The following NRCAM variants were observed in gnomAD, a reference collection of about 807,000 sequenced individuals.
The protein encoded by NRCAM is NgCAM-related cell adhesion molecule.
Under a neutral mutation model 156.5 loss-of-function variants are expected in NRCAM, and 83 were observed. The ratio of observed to expected loss-of-function variants is 0.53; its 90% CI spans 0.44 to 0.64. NRCAM has a LOEUF of 0.64. NRCAM is among the 30% of genes least tolerant of loss of function. The probability of loss-of-function intolerance (pLI) is 0.00; values close to 1 mark genes in which losing one functional copy is unlikely to be tolerated. For missense variants in NRCAM, 1,417 were observed against 1,597.3 expected, an observed-to-expected ratio of 0.89 and a Z score of 1.92; for synonymous variants, 538 against 563.9, an observed-to-expected ratio of 0.95 and a Z score of 0.65.
At chr7:108,161,870 C>T (rs1227661646) in intron 30 of NRCAM, among the ~76,000 whole-genome samples, 2 of 149,970 alleles carry the variant, frequency 1.3e-5, no homozygotes, top group African/African-American at 5.0e-5. Context: ...TAGCCTTTTC[C>T]CAATAGGCCC....
intron 2 of NRCAM, among the ~76,000 whole-genome samples, chr7:108,322,095 A>T (rs568589492): frequency 6.6e-6 from 1 of 152,316 alleles, no homozygotes; most frequent in African/African-American, 2.4e-5. Context: ...CATTATAAAG[A>T]TGAAATGAGG....
chr7:108,168,721 T>C (rs1368174879), intron 28 of NRCAM, among the ~76,000 whole-genome samples: 1 of 152,106 alleles, frequency 6.6e-6, no homozygotes, highest in Non-Finnish European at 1.5e-5. Context: ...TTTACTAAAG[T>C]GTGATGGAGA....
chr7:108,281,281 T>C (rs1431730165), intron 3 of NRCAM, among the ~76,000 whole-genome samples: 2 of 152,194 alleles, frequency 1.3e-5, no homozygotes, highest in African/African-American at 4.8e-5. Flanking sequence ...ACACATTTTA[T>C]AAATGCCTTT....
At chr7:108,163,176 T>C (rs989850223) in intron 30 of NRCAM, among the ~76,000 whole-genome samples, 6 of 152,238 alleles carry the variant, frequency 3.9e-5, no homozygotes, top group East Asian at 3.8e-4. Context: ...AATAAAATTA[T>C]ATTCATGTAT....
chr7:108,436,115 CAG>C (rs1399735526), intron 1 of NRCAM, among the ~76,000 whole-genome samples: 1 of 152,212 alleles, frequency 6.6e-6, no homozygotes, highest in African/African-American at 2.4e-5. Flanking sequence ...GCCTGGGCGA[CAG>C]AGTGAGACTC....
intron 2 of NRCAM, among the ~76,000 whole-genome samples, chr7:108,387,259 A>C (rs947821528): frequency 7.2e-5 from 11 of 152,128 alleles, no homozygotes; most frequent in African/African-American, 2.4e-4. Flanking sequence ...TACCTTATTA[A>C]TAGGGACTAA....
At chr7:108,317,449 G>A (rs1438055666) in intron 2 of NRCAM, among the ~76,000 whole-genome samples, 1 of 152,106 alleles carries the variant, frequency 6.6e-6, no homozygotes, top group Non-Finnish European at 1.5e-5. Flanking sequence ...TTCACCTAGG[G>A]AAGAAAAAGC....
intron 1 of NRCAM, among the ~76,000 whole-genome samples, chr7:108,441,869 G>C (rs886262822): frequency 6.6e-6 from 1 of 152,162 alleles, no homozygotes; most frequent in African/African-American, 2.4e-5. Context: ...AGCCTAAAAT[G>C]CCTACATATT....
At chr7:108,379,393 T>C (rs536177885) in intron 2 of NRCAM, among the ~76,000 whole-genome samples, 2 of 152,264 alleles carry the variant, frequency 1.3e-5, no homozygotes, top group East Asian at 1.9e-4. Context: ...AAAAGACAAA[T>C]ACCTCACTTA....
In NRCAM at chr7:108,207,520, C is replaced by T; in HGVS notation, c.1207+8G>A. On this transcript the variant is annotated splice_region_variant and intron_variant, in intron 13 of 32. Transcript: ENST00000379028. ...ATACTGCAATTAGAACCACTCAAGG[C>T]AACTTACTTTCTATTGGGACTCCAT... The T allele has an allele frequency of 6.2e-7, 1 of 1,613,396 alleles. No homozygotes were observed. The highest frequency in any genetic ancestry group is 8.5e-7 in the Non-Finnish European group (1 of 1,179,768).
intron 4 of NRCAM, among the ~76,000 whole-genome samples, 160 bp downstream of exon 4, chr7:108,239,799 T>G (rs939226461): frequency 6.6e-6 from 1 of 152,182 alleles, no homozygotes; most frequent in Non-Finnish European, 1.5e-5. Context: ...ACAGTGTGAA[T>G]CTTTATAAAC....
At chr7:108,199,809 A>G (rs1406508572) in intron 13 of NRCAM, among the ~76,000 whole-genome samples, 1 of 152,194 alleles carries the variant, frequency 6.6e-6, no homozygotes, top group Admixed American at 6.5e-5. Flanking sequence ...TGACATATTC[A>G]TAGTTTCTAG....
chr7:108,384,778 CTTTCAGT>C (rs979809487), intron 2 of NRCAM, among the ~76,000 whole-genome samples: 1 of 152,182 alleles, frequency 6.6e-6, no homozygotes, highest in Non-Finnish European at 1.5e-5. Context: ...ATTGACCAAG[CTTTCAGT>C]AACATGTAAA....
intron 2 of NRCAM, among the ~76,000 whole-genome samples, chr7:108,317,910 G>GAAA (rs377722562): frequency 1.1e-5 from 1 of 93,076 alleles, no homozygotes; most frequent in African/African-American, 4.7e-5. Context: ...CTCAGTCCCA[G>GAAA]AAAAAAAAAA....
intron 3 of NRCAM, among the ~76,000 whole-genome samples, chr7:108,248,259 T>C (rs1198603461): frequency 1.3e-5 from 2 of 152,146 alleles, no homozygotes; most frequent in South Asian, 2.1e-4. Flanking sequence ...ATGGCAGCCA[T>C]TTAATAGTAA....
chr7:108,168,884 C>T (rs2056677903), intron 28 of NRCAM, among the ~76,000 whole-genome samples: 1 of 152,072 alleles, frequency 6.6e-6, no homozygotes, highest in South Asian at 2.1e-4. Context: ...AGAGAATGCC[C>T]CTTTGAACAG....
intron 3 of NRCAM, among the ~76,000 whole-genome samples, chr7:108,268,459 A>G (rs1031276790): frequency 2.0e-5 from 3 of 152,266 alleles, no homozygotes; most frequent in Admixed American, 2.0e-4. Flanking sequence ...AGACACCTCA[A>G]CTGTGCAAAG....
intron 2 of NRCAM, among the ~76,000 whole-genome samples, chr7:108,342,496 CAGAA>C (rs755101924): frequency 1.2e-4 from 18 of 152,328 alleles, no homozygotes; most frequent in Admixed American, 4.6e-4. Context: ...TTAGGAAACT[CAGAA>C]AGCCAATACC....
chr7:108,425,648 C>T (rs1038160670), intron 1 of NRCAM, among the ~76,000 whole-genome samples: 10 of 152,140 alleles, frequency 6.6e-5, no homozygotes, highest in African/African-American at 2.2e-4. Flanking sequence ...CCGAACAGAT[C>T]CAAATTCAAG....
Sources: allele counts gnomAD v4.1 joint callset (sites outside exome capture counted in the v4.1 genomes callset), GRCh38; gene constraint gnomAD v4.1.1; transcripts MANE v1.5; gene names NCBI Gene and HGNC (gene_info 2026-07-23, HGNC 2026-07-21).